Variants in NCAM2 observed in about 807,000 individuals in gnomAD.
NCAM2 encodes neural cell adhesion molecule 2.
NCAM2 carries 30 observed loss-of-function variants against 98.1 expected under a neutral mutation model. That is an observed-to-expected ratio of 0.31 (90% CI 0.23 to 0.41). NCAM2 has a LOEUF of 0.41. NCAM2 is among the 10% of genes least tolerant of loss of function. NCAM2 has a pLI of 1.00. For synonymous variants in NCAM2, 368 were observed against 342.4 expected, an observed-to-expected ratio of 1.07 and a Z score of -0.83; for missense variants, 867 against 1,005.8, an observed-to-expected ratio of 0.86 and a Z score of 1.87.
chr21:21,317,333 A>G (rs1446343471), intron 5 of NCAM2, among the ~76,000 whole-genome samples: 1 of 152,132 alleles, frequency 6.6e-6, no homozygotes, highest in Non-Finnish European at 1.5e-5. Flanking sequence ...GCCTCCTATC[A>G]TCATAAGTTT....
At chr21:21,118,738 A>G (rs1413041993) in intron 1 of NCAM2, among the ~76,000 whole-genome samples, 5 of 151,838 alleles carry the variant, frequency 3.3e-5, no homozygotes, top group African/African-American at 1.2e-4. Flanking sequence ...TCTCACCCAC[A>G]TCCATCCTCA....
At chr21:21,439,841 G>A (rs1480364170) in intron 12 of NCAM2, among the ~76,000 whole-genome samples, 1 of 152,180 alleles carries the variant, frequency 6.6e-6, no homozygotes, top group Non-Finnish European at 1.5e-5. Flanking sequence ...ATAAGCAGCT[G>A]GGGATGTACA....
At chr21:21,071,340 G>A (rs572859390) in intron 1 of NCAM2, among the ~76,000 whole-genome samples, 26 of 152,216 alleles carry the variant, frequency 1.7e-4, no homozygotes, top group African/African-American at 5.8e-4. Context: ...AAACATTGGC[G>A]AATTTTATGG....
intron 1 of NCAM2, among the ~76,000 whole-genome samples, chr21:21,217,993 T>A (rs2069976151): frequency 6.6e-6 from 1 of 152,138 alleles, no homozygotes; most frequent in Non-Finnish European, 1.5e-5. Flanking sequence ...CAGAATGAAA[T>A]GCATTCCTGT....
At chr21:21,373,804 GT>G (rs1265025089) in intron 8 of NCAM2, 58 bp from the exon 9 acceptor site, 32 of 1,391,062 alleles carry the variant, frequency 2.3e-5, no homozygotes, top group Non-Finnish European at 2.8e-5. Context: ...TATATGTTTG[GT>G]CACCATTTTG....
intron 1 of NCAM2, among the ~76,000 whole-genome samples, chr21:21,208,522 G>T (rs1156679549): frequency 1.3e-5 from 2 of 152,088 alleles, no homozygotes; most frequent in East Asian, 1.9e-4. Flanking sequence ...TTGGGTAAAA[G>T]ACAGCATCTT....
chr21:21,462,412 G>A (rs758231042), intron 12 of NCAM2, among the ~76,000 whole-genome samples: 3 of 151,922 alleles, frequency 2.0e-5, no homozygotes, highest in African/African-American at 4.8e-5. Context: ...AGTTGATGTC[G>A]TTGCTGCAAT....
At chr21:21,363,135 A>G (rs1292927387) in intron 8 of NCAM2, among the ~76,000 whole-genome samples, 3 of 152,154 alleles carry the variant, frequency 2.0e-5, no homozygotes, top group Non-Finnish European at 4.4e-5. Context: ...TATAAACTAG[A>G]ATCTCTTTTG....
At chr21:21,409,405 T>A (rs533539666) in intron 9 of NCAM2, among the ~76,000 whole-genome samples, 24 of 152,326 alleles carry the variant, frequency 1.6e-4, no homozygotes, top group Admixed American at 1.3e-3. Flanking sequence ...TGTTGATTAA[T>A]TTATGACATC....
chr21:21,175,988 AACTTTC>A, intron 1 of NCAM2, among the ~76,000 whole-genome samples: 1 of 152,348 alleles, frequency 6.6e-6, no homozygotes, highest in Admixed American at 6.5e-5. Context: ...TGCCTGCATT[AACTTTC>A]ACTTTCAGAA....
At chr21:21,037,065 C>T (rs969181525) in intron 1 of NCAM2, among the ~76,000 whole-genome samples, 1 of 152,144 alleles carries the variant, frequency 6.6e-6, no homozygotes, top group Non-Finnish European at 1.5e-5. Flanking sequence ...TGGTCTCACT[C>T]TGTCACCTAG....
chr21:21,093,028 G>A (rs1374234903), intron 1 of NCAM2, among the ~76,000 whole-genome samples: 10 of 178 alleles, frequency 0.056, no homozygotes, highest in South Asian at 0.5. Flanking sequence ...ATAAACTTTC[G>A]TCAAACCCCA....
chr21:21,329,798 T>G (rs1308290921), intron 6 of NCAM2, among the ~76,000 whole-genome samples: 1 of 152,152 alleles, frequency 6.6e-6, no homozygotes, highest in African/African-American at 2.4e-5. Context: ...TAATTTTTCT[T>G]AAGTTCACAT....
chr21:21,463,403 G>A (rs9980359), intron 12 of NCAM2, among the ~76,000 whole-genome samples: 6,600 of 152,030 alleles, frequency 0.043, 482 homozygotes, highest in African/African-American at 0.15. Context: ...CTGCATTCAC[G>A]AATCAAAAAC....
chr21:21,205,232 T>A (rs1177312316), intron 1 of NCAM2, among the ~76,000 whole-genome samples: 1 of 152,222 alleles, frequency 6.6e-6, no homozygotes, highest in African/African-American at 2.4e-5. Flanking sequence ...ATTTCCTACA[T>A]GCACCTGCAG....
chr21:21,531,122 A>G (rs191623444), intron 16 of NCAM2, among the ~76,000 whole-genome samples: 4 of 152,078 alleles, frequency 2.6e-5, no homozygotes, highest in African/African-American at 9.7e-5. Context: ...ACACTTTCAT[A>G]GAGTTATTTA....
intron 1 of NCAM2, among the ~76,000 whole-genome samples, chr21:21,033,953 C>T (rs1317383953): frequency 6.6e-6 from 1 of 151,590 alleles, no homozygotes; most frequent in Non-Finnish European, 1.5e-5. Flanking sequence ...CTTTAGTCCC[C>T]CATTCGAAAC....
intron 1 of NCAM2, among the ~76,000 whole-genome samples, chr21:21,093,120 T>C (rs776780243): frequency 1.3e-5 from 2 of 151,992 alleles, no homozygotes; most frequent in Non-Finnish European, 2.9e-5. Context: ...ATAAGAATAA[T>C]AAATTGGGTC....
At chr21:21,023,776 CAAAG>C (rs1474095630) in intron 1 of NCAM2, among the ~76,000 whole-genome samples, 4 of 151,886 alleles carry the variant, frequency 2.6e-5, no homozygotes, top group Non-Finnish European at 4.4e-5. Context: ...ATATTTGTCA[CAAAG>C]AAAGGAGCAT....
Sources: allele counts gnomAD v4.1 joint callset (sites outside exome capture counted in the v4.1 genomes callset), GRCh38; gene constraint gnomAD v4.1.1; transcripts MANE v1.5; gene names NCBI Gene and HGNC (gene_info 2026-07-23, HGNC 2026-07-21).